Variants in GRIA1 observed in about 807,000 individuals in gnomAD.
GRIA1 encodes the protein glutamate receptor 1.
A neutral mutation model predicts 99.2 loss-of-function variants in GRIA1; 31 were observed. The ratio of observed to expected loss-of-function variants is 0.31; its 90% CI spans 0.23 to 0.42. The LOEUF (loss-of-function observed/expected upper bound fraction) is 0.42, where lower values mean the gene tolerates loss of function less well. GRIA1 is among the 10% of genes least tolerant of loss of function. GRIA1 has a pLI of 1.00. For missense variants in GRIA1, 782 were observed against 1,157.5 expected, an observed-to-expected ratio of 0.68 and a Z score of 4.71; for synonymous variants, 438 against 432.4, an observed-to-expected ratio of 1.01 and a Z score of -0.16.
At chr5:153,741,022 G>T (rs915380476) in intron 11 of GRIA1, among the ~76,000 whole-genome samples, 3 of 133,158 alleles carry the variant, frequency 2.3e-5, no homozygotes, top group Non-Finnish European at 4.5e-5. Flanking sequence ...TGTCGCCCAG[G>T]CTGGAGTGCA....
chr5:153,536,248 GT>G (rs1221375920), intron 2 of GRIA1, among the ~76,000 whole-genome samples: 2 of 151,898 alleles, frequency 1.3e-5, no homozygotes, highest in Non-Finnish European at 2.9e-5. Flanking sequence ...AATGCTCTCC[GT>G]TTTTTTCTTT....
At chr5:153,585,064 A>C (rs1031091604) in intron 2 of GRIA1, among the ~76,000 whole-genome samples, 8 of 152,190 alleles carry the variant, frequency 5.3e-5, no homozygotes, top group African/African-American at 1.4e-4. Context: ...ACAATGAAGT[A>C]AGTATTAACA....
intron 10 of GRIA1, among the ~76,000 whole-genome samples, chr5:153,701,886 C>T (rs1295822388): frequency 3.3e-5 from 5 of 152,068 alleles, no homozygotes; most frequent in East Asian, 1.9e-4. Flanking sequence ...CCTCTTTTTC[C>T]GTCAATAATG....
intron 2 of GRIA1, among the ~76,000 whole-genome samples, chr5:153,529,981 G>A (rs138618933): frequency 2.0e-5 from 3 of 152,130 alleles, no homozygotes; most frequent in East Asian, 3.9e-4. Context: ...TTCTGTGGTG[G>A]CCTCACTGGG....
chr5:153,510,391 G>A (rs1755947564), intron 2 of GRIA1, among the ~76,000 whole-genome samples: 1 of 152,160 alleles, frequency 6.6e-6, no homozygotes, highest in African/African-American at 2.4e-5. Flanking sequence ...GCCTTAGTGA[G>A]ATGACTTTGT....
intron 14 of GRIA1, among the ~76,000 whole-genome samples, chr5:153,801,242 C>T (rs1354801925): frequency 6.6e-6 from 1 of 150,868 alleles, no homozygotes; most frequent in African/African-American, 2.5e-5. Flanking sequence ...TTTTGAACTC[C>T]ACTGGAGGTG....
intron 11 of GRIA1, among the ~76,000 whole-genome samples, chr5:153,719,266 G>A (rs922204848): frequency 2.0e-5 from 3 of 152,078 alleles, no homozygotes; most frequent in African/African-American, 7.2e-5. Flanking sequence ...TCGTGTCAGA[G>A]CCTCTACCAC....
intron 2 of GRIA1, among the ~76,000 whole-genome samples, chr5:153,512,575 G>A (rs1405303850): frequency 6.6e-6 from 1 of 152,224 alleles, no homozygotes; most frequent in Admixed American, 6.5e-5. Context: ...GGCTAGCAGT[G>A]GCGAGGGTTC....
intron 2 of GRIA1, among the ~76,000 whole-genome samples, chr5:153,494,602 T>C (rs1754232808): frequency 6.6e-6 from 1 of 152,196 alleles, no homozygotes; most frequent in African/African-American, 2.4e-5. Context: ...AGGAAATTGG[T>C]TGTTTAAGGC....
chr5:153,512,354 T>C (rs1312507974), intron 2 of GRIA1, among the ~76,000 whole-genome samples: 3 of 152,204 alleles, frequency 2.0e-5, no homozygotes, highest in Non-Finnish European at 4.4e-5. Flanking sequence ...TGGTTGAGGA[T>C]ATGGAAAGCC....
intron 10 of GRIA1, among the ~76,000 whole-genome samples, chr5:153,705,269 G>T (rs575696216): frequency 3.3e-5 from 5 of 152,308 alleles, no homozygotes; most frequent in African/African-American, 1.2e-4. Context: ...GGGTAGTGGG[G>T]TACATGGATT....
rs1759212815 is a variant in GRIA1 at position 153,710,234 on chromosome 5, A to AAAAAAC, written c.1823+4171_1823+4172insACAAAA. Among the ~76,000 whole-genome samples the AAAAAAC allele has an allele frequency of 2.6e-5, 4 of 151,730 alleles. No homozygotes were observed. In the South Asian group the frequency reaches 8.4e-4, roughly 32 times the overall value. The stretch of plus-strand genomic sequence containing the variant: ...AAGCCTGCTTCTTGTTCAAAAAAAA[A>AAAAAAC]AAAACAACTTTTTTTTTTAACTCAG... On this transcript the variant is annotated intron_variant, in intron 11 of 15. Coordinates refer to ENST00000285900, the MANE Select transcript of GRIA1 (RefSeq NM_000827.4).
At chr5:153,688,004 T>A (rs887789576) in intron 8 of GRIA1, among the ~76,000 whole-genome samples, 1 of 152,242 alleles carries the variant, frequency 6.6e-6, no homozygotes, top group African/African-American at 2.4e-5. Flanking sequence ...GTTTGTTTCT[T>A]TGCCTTTTCC....
chr5:153,711,806 A>G (rs1427287704), intron 11 of GRIA1, among the ~76,000 whole-genome samples: 1 of 152,184 alleles, frequency 6.6e-6, no homozygotes, highest in Non-Finnish European at 1.5e-5. Flanking sequence ...AGGTGACCTT[A>G]GTAAGAGAAT....
chr5:153,764,014 T>G (rs1763354268), intron 11 of GRIA1, among the ~76,000 whole-genome samples: 1 of 152,194 alleles, frequency 6.6e-6, no homozygotes, highest in African/African-American at 2.4e-5. Context: ...TCTAAACCAA[T>G]CAAATGTTTG....
chr5:153,757,835 A>G (rs1762928995), intron 11 of GRIA1, among the ~76,000 whole-genome samples: 2 of 152,202 alleles, frequency 1.3e-5, no homozygotes, highest in Non-Finnish European at 2.9e-5. Context: ...AAAGGACACT[A>G]TGTGTAACAA....
chr5:153,667,957 A>G (rs1440442796), intron 5 of GRIA1, among the ~76,000 whole-genome samples: 1 of 152,190 alleles, frequency 6.6e-6, no homozygotes, highest in East Asian at 1.9e-4. Context: ...TAGTTTACTT[A>G]ATTGAGCGCA....
At chr5:153,577,248 C>A (rs575492747) in intron 2 of GRIA1, among the ~76,000 whole-genome samples, 6 of 152,032 alleles carry the variant, frequency 3.9e-5, no homozygotes, top group Admixed American at 3.3e-4. Flanking sequence ...TAAGTATCTG[C>A]TGTATTTTAT....
At chr5:153,543,955 T>G (rs1428624555) in intron 2 of GRIA1, among the ~76,000 whole-genome samples, 1 of 141,456 alleles carries the variant, frequency 7.1e-6, no homozygotes, top group Non-Finnish European at 1.5e-5. Flanking sequence ...ATGGAGGGGG[T>G]GAGGGAATAT....
Sources: allele counts gnomAD v4.1 joint callset (sites outside exome capture counted in the v4.1 genomes callset), GRCh38; gene constraint gnomAD v4.1.1; transcripts MANE v1.5; gene names NCBI Gene and HGNC (gene_info 2026-07-23, HGNC 2026-07-21).